The following CELF2 variants were observed in gnomAD, a reference collection of about 807,000 sequenced individuals.
CELF2 encodes CUG triplet repeat RNA-binding protein 2.
Under a neutral mutation model 62.6 loss-of-function variants are expected in CELF2, and 8 were observed. The ratio of observed to expected loss-of-function variants is 0.13; its 90% CI spans 0.07 to 0.23. The LOEUF (loss-of-function observed/expected upper bound fraction) is 0.23, where lower values mean the gene tolerates loss of function less well. Ranked by LOEUF, CELF2 falls within the 10% of genes least tolerant of loss-of-function variation. CELF2 has a pLI of 1.00. For synonymous variants in CELF2, 258 were observed against 250.0 expected, an observed-to-expected ratio of 1.03 and a Z score of -0.30; for missense variants, 333 against 671.0, an observed-to-expected ratio of 0.50 and a Z score of 5.56.
intron 4 of CELF2, among the ~76,000 whole-genome samples, chr10:11,249,726 G>A (rs758234763): frequency 1.3e-5 from 2 of 152,188 alleles, no homozygotes; most frequent in Admixed American, 6.5e-5. Flanking sequence ...TCAGTCTGCT[G>A]ATTAAATAAG....
chr10:11,135,505 T>C (rs1197354025), intron 1 of CELF2, among the ~76,000 whole-genome samples: 1 of 152,220 alleles, frequency 6.6e-6, no homozygotes, highest in African/African-American at 2.4e-5. Context: ...ACAGATTTTC[T>C]AAAAATTAAA....
rs550354498 is a variant in CELF2 at position 11,077,084 on chromosome 10, C to T, written c.74+58921C>T. 5.7e-4 allele frequency among the ~76,000 whole-genome samples: 86 copies of T among 152,126 alleles called. 1 individual carries two copies. Among genetic ancestry groups the T allele is most frequent in the Admixed American group, 2.0e-4 (3 of 15,270 alleles). Reference sequence around the variant, plus strand: ...TCCTCCCCTATAAAACGGTGATTTCCCAAGTCCTTTGCCGTTTTGCAAACC... The same window carrying T: ...TCCTCCCCTATAAAACGGTGATTTCTCAAGTCCTTTGCCGTTTTGCAAACC... On this transcript the variant is annotated intron_variant, in intron 1 of 12. Transcript: ENST00000633077.
Position 11,233,272 on chromosome 10 carries a change from G to A in CELF2, c.354+15765G>A, listed in dbSNP as rs115966335. Among the ~76,000 whole-genome samples the A allele has an allele frequency of 8.3e-3, 1,271 of 152,290 alleles. 17 individuals carry two copies. The highest frequency in any genetic ancestry group is 0.029 in the African/African-American group (1,185 of 41,550). On this transcript the variant is annotated intron_variant, in intron 3 of 12. Coordinates refer to ENST00000633077, the MANE Select transcript of CELF2 (RefSeq NM_001326342.2). ...CCTTACGCCATGGGCTTTCACACAC[G>A]CAGGAGAAACAAACGCTGTCTCCTA...
At chr10:11,106,372 G>T (rs984479405) in intron 1 of CELF2, among the ~76,000 whole-genome samples, 1 of 152,064 alleles carries the variant, frequency 6.6e-6, no homozygotes, top group African/African-American at 2.4e-5. Flanking sequence ...AAGTAGCTGG[G>T]ATTACAGGCA....
At chr10:10,566,698 A>G in the CELF2 span, among the ~76,000 whole-genome samples, 4 of 151,972 alleles carry the variant, frequency 2.6e-5, no homozygotes, top group Non-Finnish European at 5.9e-5. Context: ...GCCACCTTTT[A>G]TAAACCCTCA....
chr10:10,542,259 G>T, the CELF2 span, among the ~76,000 whole-genome samples: 1 of 152,108 alleles, frequency 6.6e-6, no homozygotes, highest in East Asian at 1.9e-4. Context: ...GATATAGAGG[G>T]TTGAGTAACT....
At chr10:11,094,806 T>C (rs964330165) in intron 1 of CELF2, among the ~76,000 whole-genome samples, 1 of 152,192 alleles carries the variant, frequency 6.6e-6, no homozygotes. Flanking sequence ...AATGAACACA[T>C]ATGAGACTGC....
the CELF2 span, among the ~76,000 whole-genome samples, chr10:10,479,576 T>C: frequency 6.6e-6 from 1 of 152,312 alleles, no homozygotes; most frequent in Admixed American, 6.5e-5. Flanking sequence ...TCTATAATTC[T>C]CACCAATGAA....
intron 1 of CELF2, among the ~76,000 whole-genome samples, chr10:11,129,930 G>C (rs1474455235): frequency 6.6e-6 from 1 of 152,036 alleles, no homozygotes; most frequent in East Asian, 1.9e-4. Context: ...AAATTTGTTT[G>C]CTCTTGCTTC....
rs2095237421 is a variant in CELF2 at position 11,318,758 on chromosome 10, A to T, written c.1097-2431A>T. 6.4e-6 allele frequency: 3 copies of T among 467,634 alleles called. No homozygotes were observed. Among genetic ancestry groups the T allele is most frequent in the African/African-American group, 4.0e-5 (2 of 49,762 alleles). The allele number at this position is 467,634 out of a possible 1,614,324, so 29.0% of individuals were successfully genotyped here. A position where few individuals can be genotyped will look rare whatever the true frequency, so the allele number is the denominator to read the frequency against. ...AGATAATTTTTCTGACCTGGAAATT[A>T]AAAAAACAGCTGTGTACAGAGAAGG... is the stretch of plus-strand genomic sequence containing the variant. On this transcript the variant is annotated intron_variant, in intron 10 of 12. Coordinates refer to ENST00000633077, the MANE Select transcript of CELF2 (RefSeq NM_001326342.2). This position sits in a 1 kb window ranked among gnomAD's most constrained non-coding sequence, Gnocchi z 5.4.
rs370544807 is a variant in CELF2, at chr10:10,997,401, A to G, written c.89+77402A>G. On this transcript the variant is annotated intron_variant, in intron 2 of 13. Transcript: ENST00000636488. This position sits in a 1 kb window ranked among gnomAD's most constrained non-coding sequence, Gnocchi z 5.3. ...TGGGCTTCTCTTGCATTTCCATCACATGATCATATGAATCACCATATTGGT... is the reference window on the plus strand; with the variant it reads ...TGGGCTTCTCTTGCATTTCCATCACGTGATCATATGAATCACCATATTGGT... Among the ~76,000 whole-genome samples the G allele has an allele frequency of 2.6e-5, 4 of 152,348 alleles. No homozygotes were observed. In the East Asian group the frequency reaches 7.7e-4, roughly 29 times the overall value.
At chr10:11,228,397 G>A (rs1433074384) in intron 3 of CELF2, among the ~76,000 whole-genome samples, 1 of 152,066 alleles carries the variant, frequency 6.6e-6, no homozygotes, top group Non-Finnish European at 1.5e-5. Context: ...GAAGCCTATT[G>A]TTCTACATTC....
the CELF2 span, among the ~76,000 whole-genome samples, chr10:10,490,030 T>A: frequency 6.6e-6 from 1 of 152,152 alleles, no homozygotes; most frequent in Non-Finnish European, 1.5e-5. Context: ...AAACCTTTGT[T>A]ATTTATCTGA....
At chr10:10,726,411 G>A in the CELF2 span, among the ~76,000 whole-genome samples, 1 of 152,178 alleles carries the variant, frequency 6.6e-6, no homozygotes, top group Admixed American at 6.5e-5. Flanking sequence ...TCTCATTGGA[G>A]TTTCTAGGTC....
At chr10:10,796,200 C>T (rs146854230), upstream of CELF2, among the ~76,000 whole-genome samples, 212 of 152,274 alleles carry the variant, frequency 1.4e-3, 1 homozygote, top group Non-Finnish European at 2.6e-3. Context: ...CTTAATTTCT[C>T]CACACCCAAA....
chr10:10,581,614 G>A, the CELF2 span, among the ~76,000 whole-genome samples: 1 of 152,242 alleles, frequency 6.6e-6, no homozygotes, highest in South Asian at 2.1e-4. Flanking sequence ...GATTGAGCAG[G>A]AAACAAACTA....
chr10:11,130,224 T>C (rs1346843284), intron 1 of CELF2, among the ~76,000 whole-genome samples: 1 of 152,262 alleles, frequency 6.6e-6, no homozygotes, highest in Non-Finnish European at 1.5e-5. Context: ...TTGGTTGCAC[T>C]GTGGTCTGAG....
rs1565688353 is a variant in CELF2 at position 11,273,728 on chromosome 10, TTTG to T, written c.778-1326_778-1324del. Among the ~76,000 whole-genome samples the T allele has an allele frequency of 1.3e-4, 19 of 143,108 alleles. 1 individual carries two copies. Among genetic ancestry groups the T allele is most frequent in the African/African-American group, 2.9e-4 (11 of 37,858 alleles). The allele number at this position is 143,108 out of a possible 152,430, so 93.9% of individuals were successfully genotyped here. A position where few individuals can be genotyped will look rare whatever the true frequency, so the allele number is the denominator to read the frequency against. ...TCTGAAAGTTTTGTTTTTTTGTTTTTTTGTTTTTTTTGAGACAGAGTCTTGCTC... is the reference window on the plus strand; with the variant it reads ...TCTGAAAGTTTTGTTTTTTTGTTTTTTTTTTTTTGAGACAGAGTCTTGCTC... On this transcript the variant is annotated intron_variant, in intron 7 of 12. Coordinates refer to ENST00000633077, the MANE Select transcript of CELF2 (RefSeq NM_001326342.2).
At chr10:10,664,639 G>C in the CELF2 span, among the ~76,000 whole-genome samples, 1 of 152,184 alleles carries the variant, frequency 6.6e-6, no homozygotes, top group Admixed American at 6.5e-5. Flanking sequence ...GATCTTTAAA[G>C]TGGCTAGATA....
Sources: allele counts gnomAD v4.1 joint callset (sites outside exome capture counted in the v4.1 genomes callset), GRCh38; gene constraint gnomAD v4.1.1; non-coding constraint Gnocchi (gnomAD v3.1); transcripts MANE v1.5; gene names NCBI Gene and HGNC (gene_info 2026-07-23, HGNC 2026-07-21).